C10orf71: variants seen among roughly 807,000 people sequenced by gnomAD.
C10orf71 encodes the protein cardiac-enriched FHL2-interacting protein.
For missense variants in C10orf71, 1,869 were observed against 1,804.5 expected (o/e 1.04, Z -0.65); for synonymous variants, 758 against 726.3 (o/e 1.04, Z -0.70).
At chr10:49,319,767 T>C (rs1849064305) in intron 2 of C10orf71, among the ~76,000 whole-genome samples, 2 of 24,392 alleles carry the variant, frequency 8.2e-5, no homozygotes, top group Non-Finnish European at 1.9e-4. Context: ...TATGTATATG[T>C]ATATCACACA....
intron 1 of C10orf71, among the ~76,000 whole-genome samples, chr10:49,306,920 G>T (rs961612086): frequency 5.3e-5 from 8 of 152,170 alleles, no homozygotes; most frequent in Non-Finnish European, 8.8e-5. Context: ...CTGCAGTTTG[G>T]GTTGGGTGCA....
At chr10:49,300,747 A>C (rs1848715271) in intron 1 of C10orf71, among the ~76,000 whole-genome samples, 1 of 152,196 alleles carries the variant, frequency 6.6e-6, no homozygotes, top group South Asian at 2.1e-4. Context: ...CGGGTGACCC[A>C]AGTCCAACAC....
chr10:49,324,010 C>T lies in C10orf71; in HGVS notation c.1465C>T (p.Arg489Ter), dbSNP rs1849158530. The change falls in exon 3 of 3, where the codon CGA becomes TGA. Residue 489 changes from arginine to a stop codon, truncating the protein, a stop_gained. Coordinates refer to ENST00000374144, the MANE Select transcript of C10orf71 (RefSeq NM_001135196.2). LOFTEE classifies it low-confidence loss of function (END_TRUNC). Reference protein sequence around the residue: ...QEKEPSECQSRDSYKSKAPSL... With the variant: ...QEKEPSECQS ...GAAGGAGCCCAGTGAATGTCAGTCT[C>T]GAGACAGCTACAAGTCCAAAGCCCC... 1.2e-6 allele frequency: 2 copies of T among 1,613,436 alleles called. No individual in the cohort carries two copies. Among genetic ancestry groups the T allele is most frequent in the Non-Finnish European group, 1.7e-6 (2 of 1,179,634 alleles).
chr10:49,314,772 G>T (rs913870433), intron 1 of C10orf71, among the ~76,000 whole-genome samples: 1 of 152,104 alleles, frequency 6.6e-6, no homozygotes, highest in African/African-American at 2.4e-5. Flanking sequence ...TTTTTGGAAG[G>T]CCATAAGACC....
Position 49,325,882 on chromosome 10 carries a change from C to G in C10orf71, c.3337C>G (p.Leu1113Val), listed in dbSNP as rs1386759074. ...SPARVTRREDLTHALVWEGGS... is the reference protein window; with the variant it reads ...SPARVTRREDVTHALVWEGGS... Reference sequence around the variant, plus strand: ...TGCCAGGGTCACCCGGAGGGAGGACCTGACCCACGCCCTCGTGTGGGAGGG... The same window carrying G: ...TGCCAGGGTCACCCGGAGGGAGGACGTGACCCACGCCCTCGTGTGGGAGGG... The change falls in exon 3 of 3, where the codon CTG (leucine) becomes GTG (valine). Residue 1113 changes from leucine to valine, a missense_variant. By Grantham distance (32) the Leu-to-Val change is conservative. Transcript: ENST00000374144. 3.9e-6 allele frequency: 6 copies of G among 1,550,054 alleles called. No individual in the cohort carries two copies. Among genetic ancestry groups the G allele is most frequent in the Non-Finnish European group, 5.2e-6 (6 of 1,145,916 alleles).
Position 49,323,519 on chromosome 10 carries a change from G to C in C10orf71, c.974G>C (p.Cys325Ser). 6.2e-7 allele frequency: 1 copy of C among 1,611,682 alleles called. No homozygotes were observed. Among genetic ancestry groups the C allele is most frequent in the South Asian group, 1.1e-5 (1 of 90,952 alleles). ...PCPPERTVSP[C>S]QVQASCSQEE... Reference sequence around the variant, plus strand: ...CCTCCTGAGCGCACAGTCTCTCCCTGCCAGGTCCAGGCCAGCTGCAGTCAG... The same window carrying C: ...CCTCCTGAGCGCACAGTCTCTCCCTCCCAGGTCCAGGCCAGCTGCAGTCAG... Residue 325 changes from cysteine to serine, a missense_variant, in exon 3 of 3, where the codon TGC (cysteine) becomes TCC (serine). Coordinates refer to ENST00000374144, the MANE Select transcript of C10orf71 (RefSeq NM_001135196.2).
chr10:49,322,448 G>T lies in C10orf71; in HGVS notation c.-98G>T. 1 of 1,398,066 alleles carries T rather than the reference G, an allele frequency of 7.2e-7. No homozygotes were observed. The highest frequency in any genetic ancestry group is 9.5e-7 in the Non-Finnish European group (1 of 1,057,530). The allele number at this position is 1,398,066 out of a possible 1,614,324, so 86.6% of individuals were successfully genotyped here. A position where few individuals can be genotyped will look rare whatever the true frequency, so the allele number is the denominator to read the frequency against. ...TTGCAATTGCATCTGGTCAATGAGA[G>T]GCTCTAGTTTTGGGGAAGAGGGAAA... On this transcript the variant is annotated 5_prime_UTR_variant, in exon 3 of 3. The change creates a new upstream start codon in the 5' untranslated region. Transcript: ENST00000374144.
chr10:49,324,984 G>C lies in C10orf71; in HGVS notation c.2439G>C (p.Arg813Ser), dbSNP rs1428751021. The change falls in exon 3 of 3, where the codon AGG becomes AGC. Residue 813 changes from arginine (R) to serine (S), a missense_variant. Physicochemically the swap from Arg to Ser is moderately radical, Grantham distance 110. Coordinates refer to ENST00000374144, the MANE Select transcript of C10orf71 (RefSeq NM_001135196.2). ...AAAGTGTGTCTGGAGGAAGAACCAG[G>C]AAGGCATCAGCAGAGGAAGCTAATT... ...ERESVSGGRT[R>S]KASAEEANFR... is the part of the protein sequence containing the mutation. 2 of 1,551,004 alleles carry C rather than the reference G, an allele frequency of 1.3e-6. No homozygotes were observed. Among genetic ancestry groups the C allele is most frequent in the Non-Finnish European group, 1.7e-6 (2 of 1,146,616 alleles).
Position 49,323,328 on chromosome 10 carries a change from G to C in C10orf71, c.783G>C (p.Glu261Asp). Residue 261 changes from glutamate to aspartate, a missense_variant, in exon 3 of 3, where the codon GAG becomes GAC. Glu to Asp is a conservative substitution (Grantham distance 45). Coordinates refer to ENST00000374144, the MANE Select transcript of C10orf71 (RefSeq NM_001135196.2). ...CACACCACAAGCCAGTCACGGGTGA[G>C]CCTGGGAGAGGCAAAGGTACCTTTC... ...PSPHHKPVTG[E>D]PGRGKGTFLH... is the part of the protein sequence containing the mutation. The C allele has an allele frequency of 3.1e-6, 5 of 1,613,884 alleles. No individual in the cohort carries two copies. The highest frequency in any genetic ancestry group is 2.2e-5 in the East Asian group (1 of 44,884).
At chr10:49,314,630 C>T (rs975732297) in intron 1 of C10orf71, among the ~76,000 whole-genome samples, 3 of 152,168 alleles carry the variant, frequency 2.0e-5, no homozygotes, top group South Asian at 4.1e-4. Context: ...GCCATTATGT[C>T]GTTCTGCACC....
In C10orf71 at chr10:49,326,496, G is replaced by T. The variant is rs1318256962; in HGVS notation, c.3951G>T (p.Gly1317=). ...AGGTCTCCATCCCGTCCTCCGAGGG[G>T]GCCTCCCCAGAGCCGCCCCCACCGG... ...YVKVSIPSSE[G]ASPEPPPPDA... The change falls in exon 3 of 3, where the codon GGG becomes GGT. Residue 1317 remains glycine, a synonymous_variant. Coordinates refer to ENST00000374144, the MANE Select transcript of C10orf71 (RefSeq NM_001135196.2). 2 of 1,550,450 alleles carry T rather than the reference G, an allele frequency of 1.3e-6. No individual in the cohort carries two copies. Among genetic ancestry groups the T allele is most frequent in the South Asian group, 1.2e-5 (1 of 84,028 alleles).
At chr10:49,301,635 A>C (rs1478185176) in intron 1 of C10orf71, among the ~76,000 whole-genome samples, 3 of 152,216 alleles carry the variant, frequency 2.0e-5, no homozygotes, top group Admixed American at 2.0e-4. Flanking sequence ...AGCCTCCTAA[A>C]GTCAAGGGGA....
chr10:49,326,263 C>G lies in C10orf71; in HGVS notation c.3718C>G (p.Pro1240Ala), dbSNP rs754570250. The G allele has an allele frequency of 1.5e-5, 23 of 1,550,016 alleles. No homozygotes were observed. The East Asian group carries it at 4.2e-4, about 28-fold the overall frequency. Residue 1240 changes from proline (P) to alanine (A), a missense_variant, in exon 3 of 3, where the codon CCT becomes GCT. By Grantham distance (27) the Pro-to-Ala change is conservative. Coordinates refer to ENST00000374144, the MANE Select transcript of C10orf71 (RefSeq NM_001135196.2). The part of the protein sequence containing the change: ...HNFPVVRSLP[P>A]PVHRHSVSGF... Reference sequence around the variant, plus strand: ...TTTCCCCGTGGTCCGTTCCCTGCCCCCTCCCGTGCACCGCCACTCCGTGTC... The same window carrying G: ...TTTCCCCGTGGTCCGTTCCCTGCCCGCTCCCGTGCACCGCCACTCCGTGTC...
At position 49,324,920 on chromosome 10, in the gene C10orf71, A is replaced by C; in HGVS notation, c.2375A>C (p.Glu792Ala). 6.4e-7 allele frequency: 1 copy of C among 1,550,760 alleles called. No homozygotes were observed. Among genetic ancestry groups the C allele is most frequent in the Non-Finnish European group, 8.7e-7 (1 of 1,146,232 alleles). Residue 792 changes from glutamate (E) to alanine (A), a missense_variant, in exon 3 of 3, where the codon GAA (glutamate) becomes GCA (alanine). Transcript: ENST00000374144. ...CALSNGHACL[E>A]NRSQGEALQR... is the part of the protein sequence containing the mutation. ...TTAAGCAATGGGCACGCATGCCTGG[A>C]AAACCGCAGCCAGGGGGAAGCATTG... is the stretch of plus-strand genomic sequence containing the variant.
intron 1 of C10orf71, among the ~76,000 whole-genome samples, chr10:49,302,885 G>T (rs1254022356): frequency 1.3e-5 from 2 of 152,140 alleles, no homozygotes; most frequent in African/African-American, 2.4e-5. Context: ...GCAAATCTGG[G>T]TTCATAGGTC....
intron 1 of C10orf71, among the ~76,000 whole-genome samples, chr10:49,311,559 A>G (rs1184124317): frequency 1.3e-5 from 2 of 152,250 alleles, no homozygotes; most frequent in East Asian, 3.8e-4. Flanking sequence ...AAGATGAACC[A>G]AGCCAGGGAC....
chr10:49,325,126 A>C lies in C10orf71; in HGVS notation c.2581A>C (p.Thr861Pro), dbSNP rs1590342118. 2 of 1,551,822 alleles carry C rather than the reference A, an allele frequency of 1.3e-6. No homozygotes were observed. The highest frequency in any genetic ancestry group is 1.7e-6 in the Non-Finnish European group (2 of 1,147,030). Reference sequence around the variant, plus strand: ...CATGCTGTTTACGATTAAAGACAACACCCTCAGAGCTACCCCCGTAATTAA... The same window carrying C: ...CATGCTGTTTACGATTAAAGACAACCCCCTCAGAGCTACCCCCGTAATTAA... ...RHMLFTIKDN[T>P]LRATPVIKPI... is the part of the protein sequence containing the mutation. Residue 861 changes from threonine to proline, a missense_variant, in exon 3 of 3, where the codon ACC becomes CCC. Transcript: ENST00000374144.
chr10:49,323,227 G>C lies in C10orf71; in HGVS notation c.682G>C (p.Ala228Pro). 3 of 1,613,870 alleles carry C rather than the reference G, an allele frequency of 1.9e-6. No homozygotes were observed. The highest frequency in any genetic ancestry group is 2.5e-6 in the Non-Finnish European group (3 of 1,179,860). ...EQESSKNPEM[A>P]CHGSSSFLPA... Reference sequence around the variant, plus strand: ...GGAGTCCTCCAAGAATCCAGAAATGGCCTGTCACGGCTCCAGCAGCTTCCT... The same window carrying C: ...GGAGTCCTCCAAGAATCCAGAAATGCCCTGTCACGGCTCCAGCAGCTTCCT... Residue 228 changes from alanine (A) to proline (P), a missense_variant, in exon 3 of 3, where the codon GCC (alanine) becomes CCC (proline). Transcript: ENST00000374144.
chr10:49,305,801 T>C (rs932518809), intron 1 of C10orf71, among the ~76,000 whole-genome samples: 58 of 152,242 alleles, frequency 3.8e-4, no homozygotes, highest in African/African-American at 1.4e-3. Context: ...TGGGCATAAT[T>C]AGGGATGCCT....
Sources: allele counts gnomAD v4.1 joint callset (sites outside exome capture counted in the v4.1 genomes callset), GRCh38; gene constraint gnomAD v4.1.1; transcripts MANE v1.5; gene names NCBI Gene and HGNC (gene_info 2026-07-23, HGNC 2026-07-21).